PGPEP1L: variants seen among roughly 807,000 people sequenced by gnomAD.
The protein encoded by PGPEP1L is pyroglutamyl-peptidase I like.
In PGPEP1L, 7 loss-of-function variants were observed where a neutral mutation model predicts 6.0. That is an observed-to-expected ratio of 1.17 (90% confidence interval 0.66 to 2.19). The LOEUF (loss-of-function observed/expected upper bound fraction) is 2.19. Among genes scored for constraint, PGPEP1L ranks in the 30% most tolerant of loss-of-function variants. The probability of loss-of-function intolerance (pLI) is 0.00; values close to 1 mark genes in which losing one functional copy is unlikely to be tolerated. For missense variants in PGPEP1L, 209 were observed against 192.5 expected, an observed-to-expected ratio of 1.09 and a Z score of -0.51; for synonymous variants, 103 against 83.9, an observed-to-expected ratio of 1.23 and a Z score of -1.24.
At chr15:98,976,375 G>A (rs1033592990) in intron 2 of PGPEP1L, among the ~76,000 whole-genome samples, 12 of 152,192 alleles carry the variant, frequency 7.9e-5, no homozygotes, top group African/African-American at 2.9e-4. Context: ...ATCCCTCAGG[G>A]ATAATAATTA....
At chr15:98,970,272 G>A (rs1308247307) in intron 3 of PGPEP1L, among the ~76,000 whole-genome samples, 1 of 152,158 alleles carries the variant, frequency 6.6e-6, no homozygotes, top group Non-Finnish European at 1.5e-5. Flanking sequence ...TCAAACTCCT[G>A]ACCTCAAGTG....
intron 2 of PGPEP1L, among the ~76,000 whole-genome samples, chr15:98,985,143 G>A (rs560830813): frequency 1.3e-5 from 2 of 152,306 alleles, no homozygotes; most frequent in East Asian, 1.9e-4. Context: ...CACAGGGACA[G>A]CCATGAAGAG....
intron 1 of PGPEP1L, among the ~76,000 whole-genome samples, chr15:99,005,887 G>A (rs1219228374): frequency 1.3e-5 from 2 of 152,192 alleles, no homozygotes; most frequent in Non-Finnish European, 2.9e-5. Flanking sequence ...ACTGTCCTAG[G>A]AACTGTGGGC....
In PGPEP1L at chr15:99,007,382, G is replaced by A. The variant is rs1567247476; in HGVS notation, c.-393C>T. The A allele has an allele frequency of 6.6e-6, 1 of 152,382 alleles. No homozygotes were observed. The highest frequency in any genetic ancestry group is 2.4e-5 in the African/African-American group (1 of 41,454). 9.4% of individuals were successfully genotyped at this position (152,382 alleles called of 1,614,324 possible). ...ACCTAGTTCCGTCATGGTGTGTCCA[G>A]AATCGGCGGATTCTTGGTCTCACTG... On this transcript the variant is annotated 5_prime_UTR_variant, in exon 1 of 5. Transcript: ENST00000535714.
intron 2 of PGPEP1L, among the ~76,000 whole-genome samples, chr15:98,990,574 G>C (rs901230821): frequency 1.3e-5 from 2 of 152,096 alleles, no homozygotes; most frequent in African/African-American, 4.8e-5. Flanking sequence ...AATTAACAAG[G>C]ATATCTAGGA....
chr15:98,999,605 T>C (rs550257540), intron 2 of PGPEP1L, among the ~76,000 whole-genome samples: 1 of 152,338 alleles, frequency 6.6e-6, no homozygotes, highest in Admixed American at 6.5e-5. Context: ...CTTATTTTCA[T>C]ACAGAAGTGT....
At chr15:98,976,370 T>G (rs2017569831) in intron 2 of PGPEP1L, among the ~76,000 whole-genome samples, 2 of 152,176 alleles carry the variant, frequency 1.3e-5, no homozygotes, top group South Asian at 4.1e-4. Flanking sequence ...CTAACATCCC[T>G]CAGGGATAAT....
In PGPEP1L at chr15:98,976,093, T is replaced by C. The variant is rs374010326; in HGVS notation, c.-141-4935A>G. ...GGAAGAAATGGAGGGTTATTGTTAA[T>C]GAACACAGAGTGTTAGTGTGGGACA... On this transcript the variant is annotated intron_variant, in intron 2 of 4. Coordinates refer to ENST00000535714, the MANE Select transcript of PGPEP1L (RefSeq NM_001167902.2). 8.5e-5 allele frequency among the ~76,000 whole-genome samples: 13 copies of C among 152,226 alleles called. No homozygotes were observed. In the East Asian group the frequency reaches 1.4e-3, roughly 16 times the overall value.
At chr15:98,996,397 A>G (rs1236917104) in intron 2 of PGPEP1L, among the ~76,000 whole-genome samples, 1 of 152,122 alleles carries the variant, frequency 6.6e-6, no homozygotes, top group Non-Finnish European at 1.5e-5. Context: ...GCTGCTCACA[A>G]TGCTGATCAT....
At chr15:98,978,153 G>T (rs1354209127) in intron 2 of PGPEP1L, among the ~76,000 whole-genome samples, 2 of 152,202 alleles carry the variant, frequency 1.3e-5, no homozygotes, top group Non-Finnish European at 2.9e-5. Flanking sequence ...CGGTTCATTA[G>T]TCCCTGTCTA....
chr15:98,971,190 T>C (rs755089850), intron 2 of PGPEP1L, 32 bp from the exon 3 acceptor site: 2 of 690,994 alleles, frequency 2.9e-6, no homozygotes, highest in Non-Finnish European at 3.9e-6. Context: ...CTTGCCTCAG[T>C]TGATGGGGGG....
chr15:98,968,398 G>T lies in PGPEP1L; in HGVS notation c.*80C>A. The T allele has an allele frequency of 7.0e-7, 1 of 1,429,984 alleles. No individual in the cohort carries two copies. The highest frequency in any genetic ancestry group is 9.6e-7 in the Non-Finnish European group (1 of 1,046,792). 88.6% of individuals were successfully genotyped at this position (1,429,984 alleles called of 1,614,324 possible). On this transcript the variant is annotated 3_prime_UTR_variant, in exon 5 of 5. Coordinates refer to ENST00000535714, the MANE Select transcript of PGPEP1L (RefSeq NM_001167902.2). ...CCTCTTTGTCTTACAAGCAATTTTT[G>T]AAAAAGTTTCTCAATGCACAGTTGA...
In PGPEP1L at chr15:98,978,724, ATATTTTT is replaced by A. The variant is rs1415804123; in HGVS notation, c.-141-7573_-141-7567del. Among the ~76,000 whole-genome samples the A allele has an allele frequency of 2.0e-3, 136 of 69,650 alleles. No individual in the cohort carries two copies. In the South Asian group the frequency reaches 0.034, roughly 18 times the overall value. 45.7% of individuals were successfully genotyped at this position (69,650 alleles called of 152,430 possible). ...AGACTGTGTATATATATATATATATATATTTTTTTTTTTTTTTTTTTTTTGAGGCACA... is the reference window on the plus strand; with the variant it reads ...AGACTGTGTATATATATATATATATATTTTTTTTTTTTTTTTTGAGGCACA... On this transcript the variant is annotated intron_variant, in intron 2 of 4. Coordinates refer to ENST00000535714, the MANE Select transcript of PGPEP1L (RefSeq NM_001167902.2).
intron 2 of PGPEP1L, among the ~76,000 whole-genome samples, chr15:98,997,812 CAGACA>C (rs2017908803): frequency 6.6e-6 from 1 of 152,126 alleles, no homozygotes; most frequent in South Asian, 2.1e-4. Context: ...AGAAGGGACA[CAGACA>C]ATAGAAACCT....
At chr15:98,982,699 GCTTTTTTTTTTTT>G (rs2017682687) in intron 2 of PGPEP1L, among the ~76,000 whole-genome samples, 1 of 73,466 alleles carries the variant, frequency 1.4e-5, no homozygotes, top group African/African-American at 3.9e-5. Context: ...TTTATCTGAG[GCTTTTTTTTTTTT>G]TTTTTTTTTT....
intron 2 of PGPEP1L, chr15:99,001,161 C>T (rs1353248265): frequency 6.7e-6 from 3 of 446,260 alleles, no homozygotes; most frequent in Non-Finnish European, 9.0e-6. Context: ...TCTGGACACG[C>T]CGCCTTTAAG....
Position 98,971,109 on chromosome 15 carries a change from G to C in PGPEP1L, c.-92C>G. 1 of 1,609,002 alleles carries C rather than the reference G, an allele frequency of 6.2e-7. No individual in the cohort carries two copies. Among genetic ancestry groups the C allele is most frequent in the East Asian group, 2.2e-5 (1 of 44,708 alleles). On this transcript the variant is annotated 5_prime_UTR_variant, in exon 3 of 5. Transcript: ENST00000535714. ...CCTGTAATCTACAGGCAGCTCCAGA[G>C]TCCGCAGCTGCACCACTGTTTCATT...
At chr15:99,001,875 G>T (rs1485975487) in intron 2 of PGPEP1L, among the ~76,000 whole-genome samples, 1 of 152,034 alleles carries the variant, frequency 6.6e-6, no homozygotes, top group African/African-American at 2.4e-5. Flanking sequence ...CCATCACCAT[G>T]CCCAGCTAAT....
At chr15:99,000,043 G>C (rs918110149) in intron 2 of PGPEP1L, among the ~76,000 whole-genome samples, 1 of 152,240 alleles carries the variant, frequency 6.6e-6, no homozygotes. Flanking sequence ...GCAGGGAGGC[G>C]TGGAGGGAGA....
Sources: allele counts gnomAD v4.1 joint callset (sites outside exome capture counted in the v4.1 genomes callset), GRCh38; gene constraint gnomAD v4.1.1; transcripts MANE v1.5; gene names NCBI Gene and HGNC (gene_info 2026-07-23, HGNC 2026-07-21).